ASXL2: variants seen among roughly 807,000 people sequenced by gnomAD.
ASXL2 encodes the protein putative Polycomb group protein ASXL2.
In ASXL2, 23 loss-of-function variants were observed where a neutral mutation model predicts 122.0. The observed-to-expected ratio is 0.19, with a 90% CI of 0.14 to 0.27. The LOEUF (loss-of-function observed/expected upper bound fraction) is 0.27, where lower values mean the gene tolerates loss of function less well. Ranked by LOEUF, ASXL2 falls within the 10% of genes least tolerant of loss-of-function variation. The pLI is 1.00. For synonymous variants in ASXL2, 650 were observed against 637.0 expected, an observed-to-expected ratio of 1.02 and a Z score of -0.31; for missense variants, 1,518 against 1,713.8, an observed-to-expected ratio of 0.89 and a Z score of 2.02.
chr2:25,807,328 G>C (rs2089097086), intron 3 of ASXL2, among the ~76,000 whole-genome samples: 1 of 152,178 alleles, frequency 6.6e-6, no homozygotes, highest in South Asian at 2.1e-4. Flanking sequence ...GGAGTTATCT[G>C]CTGGGAAGAG....
intron 4 of ASXL2, among the ~76,000 whole-genome samples, chr2:25,805,318 T>C (rs1238627565): frequency 6.6e-6 from 1 of 152,034 alleles, no homozygotes; most frequent in East Asian, 1.9e-4. Flanking sequence ...ATTATACAAA[T>C]GTTGTGAGGC....
At chr2:25,794,862 T>C (rs962047198) in intron 5 of ASXL2, among the ~76,000 whole-genome samples, 7 of 152,210 alleles carry the variant, frequency 4.6e-5, no homozygotes, top group African/African-American at 1.4e-4. Flanking sequence ...TTTACCTTTA[T>C]TGATAACTAA....
chr2:25,822,576 C>T, intron 3 of ASXL2: 1 of 510,270 alleles, frequency 2.0e-6, no homozygotes, highest in South Asian at 1.7e-5. Context: ...CCAAACTTAA[C>T]ATTCAGTTGT....
intron 5 of ASXL2, 138 bp from the exon 6 acceptor site, chr2:25,771,678 T>A: frequency 1.5e-6 from 1 of 674,874 alleles, no homozygotes; most frequent in Non-Finnish European, 2.5e-6. Flanking sequence ...TTTGGAGTTT[T>A]ACTGCAAACA....
chr2:25,817,512 C>T (rs2089252263), intron 3 of ASXL2, among the ~76,000 whole-genome samples: 1 of 152,112 alleles, frequency 6.6e-6, no homozygotes, highest in Admixed American at 6.5e-5. Context: ...AGGATATGTT[C>T]TTCAGTGTAC....
In ASXL2 at chr2:25,738,689, C is replaced by G. The variant is rs2087777186; in HGVS notation, c.*3340G>C. 1 of 152,152 alleles carries G rather than the reference C, an allele frequency of 6.6e-6. No individual in the cohort carries two copies. Among genetic ancestry groups the G allele is most frequent in the South Asian group, 2.1e-4 (1 of 4,834 alleles). The allele number at this position is 152,152 out of a possible 1,614,324, so 9.4% of individuals were successfully genotyped here. ...GGTGGAGAAAGGCAATAATAAACAA[C>G]AGAATGTTAACTGTCAGGTCATTAA... On this transcript the variant is annotated 3_prime_UTR_variant, in exon 13 of 13. Coordinates refer to ENST00000435504, the MANE Select transcript of ASXL2 (RefSeq NM_018263.6).
chr2:25,781,441 T>G (rs1037629760), intron 5 of ASXL2, among the ~76,000 whole-genome samples: 3 of 152,184 alleles, frequency 2.0e-5, no homozygotes, highest in Non-Finnish European at 4.4e-5. Flanking sequence ...TCAGAATTTT[T>G]TTGTTGTTGA....
rs1314487446 is a variant in ASXL2 at position 25,741,484 on chromosome 2, G to A, written c.*545C>T. The stretch of plus-strand genomic sequence containing the variant: ...TCAATTTAAGAAGATTCCACCTAAG[G>A]TAAAGGGACTGAGTAAAACCCTGAA... On this transcript the variant is annotated 3_prime_UTR_variant, in exon 13 of 13. Transcript: ENST00000435504. The A allele has an allele frequency of 4.3e-6, 1 of 230,860 alleles. No individual in the cohort carries two copies. Among genetic ancestry groups the A allele is most frequent in the East Asian group, 6.2e-5 (1 of 16,132 alleles). 14.3% of individuals were successfully genotyped at this position (230,860 alleles called of 1,614,324 possible).
intron 5 of ASXL2, among the ~76,000 whole-genome samples, chr2:25,794,464 C>T (rs796457525): frequency 8.3e-4 from 127 of 152,130 alleles, no homozygotes; most frequent in African/African-American, 2.9e-3. Flanking sequence ...GTTATTATTC[C>T]ACCTTACCTT....
intron 11 of ASXL2, among the ~76,000 whole-genome samples, 189 bp from the exon 12 acceptor site, chr2:25,750,602 T>C (rs886766195): frequency 2.6e-5 from 4 of 152,204 alleles, no homozygotes; most frequent in Non-Finnish European, 5.9e-5. Flanking sequence ...AAATTCTGGC[T>C]CTGATACCTA....
intron 5 of ASXL2, among the ~76,000 whole-genome samples, chr2:25,787,380 T>A (rs1347655159): frequency 6.6e-6 from 1 of 152,184 alleles, no homozygotes; most frequent in Non-Finnish European, 1.5e-5. Flanking sequence ...TGGGCCTGTA[T>A]CTCATCACCT....
rs748348049 is a variant in ASXL2, at chr2:25,753,512, A to G, written c.1142+22T>C. 4 of 1,585,086 alleles carry G rather than the reference A, an allele frequency of 2.5e-6. No individual in the cohort carries two copies. In the Admixed American group the frequency reaches 6.8e-5, roughly 27 times the overall value. On this transcript the variant is annotated intron_variant, in intron 11 of 12. Coordinates refer to ENST00000435504, the MANE Select transcript of ASXL2 (RefSeq NM_018263.6). ...ATATGTAGGAATTAACATTTGGTTT[A>G]TAGAACCTGTCCTAATATTACCTCT...
At chr2:25,855,047 G>A (rs1416898703) in intron 1 of ASXL2, among the ~76,000 whole-genome samples, 1 of 152,178 alleles carries the variant, frequency 6.6e-6, no homozygotes, top group Non-Finnish European at 1.5e-5. Context: ...CACACTGCCA[G>A]CATGCCACCT....
intron 4 of ASXL2, among the ~76,000 whole-genome samples, chr2:25,803,828 G>A (rs1038753487): frequency 5.9e-5 from 9 of 152,158 alleles, no homozygotes; most frequent in African/African-American, 1.7e-4. Flanking sequence ...CTGTGCAGCC[G>A]GGTTCCTAAC....
At position 25,742,316 on chromosome 2, in the gene ASXL2, G is replaced by C. The variant is rs1281927825; in HGVS notation, c.4021C>G (p.His1341Asp). The C allele has an allele frequency of 6.2e-7, 1 of 1,613,552 alleles. No homozygotes were observed. Among genetic ancestry groups the C allele is most frequent in the African/African-American group, 1.3e-5 (1 of 74,798 alleles). Residue 1341 changes from histidine to aspartate, a missense_variant, in exon 13 of 13, where the codon CAT becomes GAT. This residue lies in a region of ASXL2 where 831 missense variants were observed against 833.1 expected (regional missense o/e 1.00). Transcript: ENST00000435504. ...INVSTSSDMD[H>D]NSAVPGSQVS... is the part of the protein sequence containing the mutation. Reference sequence around the variant, plus strand: ...TGGCTACCTGGTACAGCAGAGTTATGGTCCATGTCAGATGAGGTGGAGACA... The same window carrying C: ...TGGCTACCTGGTACAGCAGAGTTATCGTCCATGTCAGATGAGGTGGAGACA...
At position 25,736,988 on chromosome 2, in the gene ASXL2, T is replaced by A. The variant is rs896314364; in HGVS notation, c.*5041A>T. On this transcript the variant is annotated 3_prime_UTR_variant, in exon 13 of 13. Transcript: ENST00000435504. ...CGTGGATTAGACAGCAATCTCGGTATGGGAACATAGACAACCTCTCCTACC... is the reference window on the plus strand; with the variant it reads ...CGTGGATTAGACAGCAATCTCGGTAAGGGAACATAGACAACCTCTCCTACC... The A allele has an allele frequency of 3.3e-5, 5 of 152,210 alleles. No homozygotes were observed. Among genetic ancestry groups the A allele is most frequent in the Non-Finnish European group, 7.3e-5 (5 of 68,038 alleles). 9.4% of individuals were successfully genotyped at this position (152,210 alleles called of 1,614,324 possible).
At chr2:25,807,986 T>TAAACACACACACACACAC (rs368346154) in intron 3 of ASXL2, among the ~76,000 whole-genome samples, 50 of 131,820 alleles carry the variant, frequency 3.8e-4, no homozygotes, top group African/African-American at 1.3e-3. Context: ...AATCAGCTTT[T>TAAACACACACACACACAC]ACACACACAC....
intron 3 of ASXL2, among the ~76,000 whole-genome samples, chr2:25,824,662 G>A (rs1173211811): frequency 1.3e-5 from 2 of 152,078 alleles, no homozygotes; most frequent in Non-Finnish European, 2.9e-5. Flanking sequence ...CCAACCCCGT[G>A]GTTTACAAAT....
chr2:25,808,937 G>A (rs2089123802), intron 3 of ASXL2, among the ~76,000 whole-genome samples: 1 of 152,056 alleles, frequency 6.6e-6, no homozygotes, highest in Non-Finnish European at 1.5e-5. Flanking sequence ...ACACTGTATA[G>A]GCTGTCACAG....
Sources: gnomAD v4.1 joint callset for allele counts (sites outside exome capture counted in the v4.1 genomes callset) on GRCh38, gnomAD v4.1.1 for gene constraint, gnomAD v4.1.1 regional missense constraint, MANE v1.5 for transcripts, NCBI Gene and HGNC (gene_info 2026-07-23, HGNC 2026-07-21) for gene names.